Variants in NRG1 observed in about 807,000 individuals in gnomAD.
NRG1 encodes pro-neuregulin-1, membrane-bound isoform.
Under a neutral mutation model 63.8 loss-of-function variants are expected in NRG1, and 18 were observed. The observed-to-expected ratio is 0.28, with a 90% CI of 0.19 to 0.42. The LOEUF (loss-of-function observed/expected upper bound fraction) is 0.42, where lower values mean the gene tolerates loss of function less well. Ranked by LOEUF, NRG1 falls within the 10% of genes least tolerant of loss-of-function variation. NRG1 has a pLI of 1.00. For missense variants in NRG1, 762 were observed against 814.7 expected (o/e 0.94, Z 0.79); for synonymous variants, 302 against 301.3 (o/e 1.00, Z -0.02).
At chr8:31,997,184 CTTTTTT>C (rs56256338) in intron 1 of NRG1, among the ~76,000 whole-genome samples, 3 of 137,454 alleles carry the variant, frequency 2.2e-5, no homozygotes, top group Non-Finnish European at 4.7e-5. Context: ...ATAGTGTAAC[CTTTTTT>C]TTTTTTTTTT....
intron 1 of NRG1, among the ~76,000 whole-genome samples, chr8:32,115,282 C>T (rs1426575990): frequency 1.3e-5 from 2 of 152,110 alleles, no homozygotes; most frequent in African/African-American, 2.4e-5. Context: ...CCACCCGCCT[C>T]AGCCTCCCCA....
chr8:32,047,305 C>A (rs182803792), intron 1 of NRG1, among the ~76,000 whole-genome samples: 1 of 151,916 alleles, frequency 6.6e-6, no homozygotes, highest in Non-Finnish European at 1.5e-5. Context: ...CTTTTGTAGG[C>A]GAGGATGAAT....
intron 1 of NRG1, among the ~76,000 whole-genome samples, chr8:32,075,696 G>A (rs373390625): frequency 0.031 from 4,548 of 147,970 alleles, 112 homozygotes; most frequent in Middle Eastern, 0.045. Flanking sequence ...TTTTTGAGAC[G>A]GAGTCTCGCT....
At chr8:31,809,392 A>G (rs1238477947) in intron 1 of NRG1, among the ~76,000 whole-genome samples, 3 of 136,946 alleles carry the variant, frequency 2.2e-5, no homozygotes, top group Non-Finnish European at 3.2e-5. Flanking sequence ...GTGTATATAT[A>G]TGTGTGTGTG....
At chr8:31,712,758 T>C (rs935755909) in intron 1 of NRG1, among the ~76,000 whole-genome samples, 4 of 152,306 alleles carry the variant, frequency 2.6e-5, no homozygotes, top group African/African-American at 9.6e-5. Flanking sequence ...TAATGCTCAA[T>C]ACTGAATGAA....
intron 1 of NRG1, among the ~76,000 whole-genome samples, chr8:32,066,956 A>G (rs1398288015): frequency 1.3e-5 from 2 of 152,068 alleles, no homozygotes; most frequent in Non-Finnish European, 2.9e-5. Context: ...AGCAATTGTG[A>G]ATGGGAGTTC....
Position 31,799,910 on chromosome 8 carries a change from A to G in NRG1, c.37+160479A>G, listed in dbSNP as rs530290244. ...CCAATCAAGGAAGAGGTCAATCTGA[A>G]TAAGATAATATTTGTAAAGTTCTTG... On this transcript the variant is annotated intron_variant, in intron 1 of 10. Transcript: ENST00000519301. Among the ~76,000 whole-genome samples, 157 of 152,304 alleles carry G rather than the reference A, an allele frequency of 1.0e-3. 1 individual carries two copies. The highest frequency in any genetic ancestry group is 2.9e-3 in the South Asian group (14 of 4,828).
intron 1 of NRG1, among the ~76,000 whole-genome samples, chr8:32,022,276 T>C (rs1816575450): frequency 6.6e-6 from 1 of 152,198 alleles, no homozygotes; most frequent in Admixed American, 6.5e-5. Context: ...CTGAATCTTC[T>C]AACTCTTCAT....
chr8:31,700,428 G>A (rs1810517244), intron 1 of NRG1, among the ~76,000 whole-genome samples: 1 of 152,114 alleles, frequency 6.6e-6, no homozygotes, highest in African/African-American at 2.4e-5. Flanking sequence ...TTTGTGTGGA[G>A]CTGGTGAAAC....
intron 1 of NRG1, among the ~76,000 whole-genome samples, chr8:31,923,056 G>C (rs1834041585): frequency 6.6e-6 from 1 of 152,104 alleles, no homozygotes; most frequent in Non-Finnish European, 1.5e-5. Flanking sequence ...GGAAGGGTGA[G>C]ATGAGAGGCT....
intron 1 of NRG1, among the ~76,000 whole-genome samples, chr8:31,755,047 G>A (rs1473969760): frequency 6.6e-6 from 1 of 151,992 alleles, no homozygotes; most frequent in Non-Finnish European, 1.5e-5. Context: ...GTAGTTCCTG[G>A]AGTTGCACTC....
intron 1 of NRG1, among the ~76,000 whole-genome samples, chr8:32,463,984 C>G (rs1389701589): frequency 7.4e-6 from 1 of 135,090 alleles, no homozygotes; most frequent in African/African-American, 2.7e-5. Flanking sequence ...CCTCTGACTC[C>G]CAGGTTCAAG....
At chr8:32,577,583 A>G (rs1410163310) in intron 1 of NRG1, among the ~76,000 whole-genome samples, 1 of 152,252 alleles carries the variant, frequency 6.6e-6, no homozygotes, top group African/African-American at 2.4e-5. Flanking sequence ...TTACGAAACT[A>G]TAAACTGAAC....
intron 1 of NRG1, among the ~76,000 whole-genome samples, chr8:31,870,131 G>T (rs1214647865): frequency 1.3e-5 from 2 of 152,042 alleles, no homozygotes; most frequent in African/African-American, 2.4e-5. Flanking sequence ...TCTTCTGGTT[G>T]CTAGTCTTCC....
chr8:32,740,167 C>A (rs1335702527), intron 6 of NRG1, among the ~76,000 whole-genome samples: 9 of 129,700 alleles, frequency 6.9e-5, no homozygotes, highest in Admixed American at 6.2e-4. Flanking sequence ...GAAATGGCGT[C>A]TTTTTGAGAA....
At chr8:32,657,794 C>T (rs1232686549) in intron 5 of NRG1, among the ~76,000 whole-genome samples, 1 of 152,068 alleles carries the variant, frequency 6.6e-6, no homozygotes, top group Non-Finnish European at 1.5e-5. Flanking sequence ...CTAAGTACTG[C>T]CTACAAAGCA....
chr8:32,108,392 A>G (rs2131421404), intron 1 of NRG1, among the ~76,000 whole-genome samples: 1 of 152,284 alleles, frequency 6.6e-6, no homozygotes, highest in East Asian at 1.9e-4. Context: ...AGGGGAAAGG[A>G]ACAGTATGTT....
chr8:32,366,675 G>GTATATA (rs1461103070), intron 1 of NRG1, among the ~76,000 whole-genome samples: 90 of 54,458 alleles, frequency 1.7e-3, no homozygotes, highest in African/African-American at 4.9e-3. Context: ...GTGTGTGTGT[G>GTATATA]TGTATATATA....
upstream of NRG1, among the ~76,000 whole-genome samples, chr8:32,545,244 C>T (rs140907033): frequency 6.0e-5 from 9 of 149,036 alleles, no homozygotes; most frequent in East Asian, 1.5e-3. Context: ...TAGTGGCACA[C>T]GATTGCGTTT....
Sources: gnomAD v4.1 joint callset for allele counts (sites outside exome capture counted in the v4.1 genomes callset) on GRCh38, gnomAD v4.1.1 for gene constraint, MANE v1.5 for transcripts, NCBI Gene and HGNC (gene_info 2026-07-23, HGNC 2026-07-21) for gene names.